The following ADGRL3 variants were observed in gnomAD, a reference collection of about 807,000 sequenced individuals.
ADGRL3 encodes the protein adhesion G protein-coupled receptor L3, also known as calcium-independent alpha-latrotoxin receptor 3.
In ADGRL3, 62 loss-of-function variants were observed where a neutral mutation model predicts 153.5. The ratio of observed to expected loss-of-function variants is 0.40; its 90% confidence interval spans 0.33 to 0.50. The LOEUF (loss-of-function observed/expected upper bound fraction) is 0.50. Ranked by LOEUF, ADGRL3 falls within the 20% of genes least tolerant of loss-of-function variation. The probability of loss-of-function intolerance (pLI) is 0.47; values close to 1 mark genes in which losing one functional copy is unlikely to be tolerated. For missense variants in ADGRL3, 1,641 were observed against 1,859.4 expected (o/e 0.88, Z 2.16); for synonymous variants, 710 against 672.5 (o/e 1.06, Z -0.86).
At chr4:61,974,830 C>A (rs2099042394) in intron 17 of ADGRL3, among the ~76,000 whole-genome samples, 1 of 152,142 alleles carries the variant, frequency 6.6e-6, no homozygotes, top group Non-Finnish European at 1.5e-5. Context: ...ATGTAACAAC[C>A]TTCTTATTTT....
At chr4:61,799,452 T>A (rs116592615) in intron 8 of ADGRL3, among the ~76,000 whole-genome samples, 1 of 152,198 alleles carries the variant, frequency 6.6e-6, no homozygotes, top group Non-Finnish European at 1.5e-5. Flanking sequence ...TTTTTTCTTC[T>A]AAACTTTTAA....
intron 19 of ADGRL3, among the ~76,000 whole-genome samples, chr4:61,989,642 G>A (rs1389118375): frequency 6.6e-6 from 1 of 151,892 alleles, no homozygotes; most frequent in Admixed American, 6.6e-5. Flanking sequence ...TAAGAATTCT[G>A]GGTTAAGCAT....
chr4:61,397,407 A>G (rs1338483157), intron 2 of ADGRL3, among the ~76,000 whole-genome samples: 1 of 151,932 alleles, frequency 6.6e-6, no homozygotes, highest in Non-Finnish European at 1.5e-5. Flanking sequence ...AGTCAAAAAG[A>G]AATGAGGCAA....
rs576031226 is a variant in ADGRL3 at position 62,073,109 on chromosome 4, C to T, written c.*2201C>T. The T allele has an allele frequency of 2.0e-5, 3 of 152,058 alleles. No homozygotes were observed. Among genetic ancestry groups the T allele is most frequent in the African/African-American group, 7.2e-5 (3 of 41,498 alleles). 9.4% of individuals were successfully genotyped at this position (152,058 alleles called of 1,614,324 possible). On this transcript the variant is annotated 3_prime_UTR_variant, in exon 27 of 27. Transcript: ENST00000683033. ...ATTTCTCCTGTAGTGTGTTTTATCT[C>T]GGGGTTTCCTTTTTCAAAAATCTAA...
intron 1 of ADGRL3, among the ~76,000 whole-genome samples, chr4:61,249,750 T>G (rs1758520126): frequency 1.3e-5 from 2 of 152,198 alleles, no homozygotes; most frequent in African/African-American, 4.8e-5. Context: ...GAATGGATAC[T>G]ATGCACGATT....
At chr4:61,337,488 G>A (rs1249393306) in intron 1 of ADGRL3, among the ~76,000 whole-genome samples, 10 of 152,088 alleles carry the variant, frequency 6.6e-5, no homozygotes, top group Non-Finnish European at 2.9e-5. Context: ...TCAGCTTTCC[G>A]GCCATTTCCT....
intron 1 of ADGRL3, among the ~76,000 whole-genome samples, chr4:61,229,525 C>CT (rs5858680): frequency 0.97 from 144,401 of 149,058 alleles, 69,944 homozygotes; most frequent in East Asian, 1. Context: ...GGAAGTACTG[C>CT]TTTTTTTTTT....
At chr4:61,954,786 A>C (rs139063050) in intron 17 of ADGRL3, among the ~76,000 whole-genome samples, 203 of 152,270 alleles carry the variant, frequency 1.3e-3, no homozygotes, top group African/African-American at 4.7e-3. Context: ...TCTTTGCTCA[A>C]ATATTACCTA....
chr4:61,973,250 G>T (rs2099035915), intron 17 of ADGRL3, among the ~76,000 whole-genome samples: 1 of 151,800 alleles, frequency 6.6e-6, no homozygotes, highest in Non-Finnish European at 1.5e-5. Context: ...CCCTGTTCCA[G>T]AAATTTGGAC....
intron 21 of ADGRL3, among the ~76,000 whole-genome samples, chr4:62,028,527 C>A (rs535998160): frequency 6.6e-6 from 1 of 151,760 alleles, no homozygotes; most frequent in African/African-American, 2.4e-5. Context: ...CAAGATTGCT[C>A]ATAAAATTTC....
chr4:61,966,066 A>G (rs2099005411), intron 17 of ADGRL3, among the ~76,000 whole-genome samples: 1 of 152,214 alleles, frequency 6.6e-6, no homozygotes, highest in South Asian at 2.1e-4. Context: ...ATTCATGAGA[A>G]TGTAAAAAAG....
chr4:61,307,004 G>T (rs1055698001), intron 1 of ADGRL3, among the ~76,000 whole-genome samples: 3 of 152,284 alleles, frequency 2.0e-5, no homozygotes, highest in Admixed American at 1.3e-4. Context: ...AATAATAATT[G>T]TTGGATGTTT....
At chr4:61,485,956 T>A (rs573585178) in intron 2 of ADGRL3, among the ~76,000 whole-genome samples, 1 of 152,134 alleles carries the variant, frequency 6.6e-6, no homozygotes, top group South Asian at 2.1e-4. Flanking sequence ...TTGTTTTTTG[T>A]TTCCTTTGAT....
intron 4 of ADGRL3, among the ~76,000 whole-genome samples, chr4:61,564,238 TG>T (rs908826470): frequency 7.9e-5 from 12 of 152,046 alleles, no homozygotes; most frequent in African/African-American, 2.9e-4. Flanking sequence ...GCTTTCGTTT[TG>T]GGGGGCTTTG....
chr4:61,291,595 T>TAC (rs2094209396), intron 1 of ADGRL3, among the ~76,000 whole-genome samples: 13 of 40,480 alleles, frequency 3.2e-4, no homozygotes, highest in African/African-American at 8.6e-4. Context: ...TATATATATA[T>TAC]ATATATATAC....
At chr4:61,921,228 G>C (rs1012867491) in intron 13 of ADGRL3, among the ~76,000 whole-genome samples, 1 of 151,946 alleles carries the variant, frequency 6.6e-6, no homozygotes, top group East Asian at 1.9e-4. Context: ...ATAGACACAT[G>C]GTATAAAATT....
At chr4:62,005,176 T>A (rs187193174) in intron 21 of ADGRL3, among the ~76,000 whole-genome samples, 1 of 152,202 alleles carries the variant, frequency 6.6e-6, no homozygotes, top group Non-Finnish European at 1.5e-5. Flanking sequence ...CAAAAAGCTG[T>A]TCATTCTGCA....
chr4:61,936,600 A>T (rs1399937474), intron 15 of ADGRL3, among the ~76,000 whole-genome samples: 1 of 152,096 alleles, frequency 6.6e-6, no homozygotes, highest in African/African-American at 2.4e-5. Flanking sequence ...CTTATAAAGT[A>T]TGTCCACATT....
intron 5 of ADGRL3, among the ~76,000 whole-genome samples, chr4:61,674,146 TTAGATAGA>T (rs34037060): frequency 0.35 from 51,780 of 147,192 alleles, 9,430 homozygotes; most frequent in Admixed American, 0.44. Flanking sequence ...CGATGCATTT[TTAGATAGA>T]TAGATAGATA....
Sources: gnomAD v4.1 joint callset for allele counts (sites outside exome capture counted in the v4.1 genomes callset) on GRCh38, gnomAD v4.1.1 for gene constraint, MANE v1.5 for transcripts, NCBI Gene and HGNC (gene_info 2026-07-23, HGNC 2026-07-21) for gene names.